SEC24A: variants seen among roughly 807,000 people sequenced by gnomAD.
The protein encoded by SEC24A is protein transport protein Sec24A.
A neutral mutation model predicts 129.4 loss-of-function variants in SEC24A; 93 were observed. That is an observed-to-expected ratio of 0.72 (90% CI 0.61 to 0.85). The LOEUF (loss-of-function observed/expected upper bound fraction) is 0.85, where lower values mean the gene tolerates loss of function less well. Ranked by LOEUF, SEC24A falls within the 40% of genes least tolerant of loss-of-function variation. SEC24A has a pLI of 0.00. For missense variants in SEC24A, 1,264 were observed against 1,307.4 expected, an observed-to-expected ratio of 0.97 and a Z score of 0.51; for synonymous variants, 460 against 467.3, an observed-to-expected ratio of 0.98 and a Z score of 0.20.
chr5:134,727,426 C>A lies in SEC24A; in HGVS notation c.*2332C>A, dbSNP rs991262315. ...ATAACATTTCTGTAAGTCTGACATA[C>A]TAATAGTCACTCAAGCAGTACCATT... On this transcript the variant is annotated 3_prime_UTR_variant, in exon 23 of 23. Transcript: ENST00000398844. 2 of 152,478 alleles carry A rather than the reference C, an allele frequency of 1.3e-5. No individual in the cohort carries two copies. The highest frequency in any genetic ancestry group is 4.8e-5 in the African/African-American group (2 of 41,398). 9.4% of individuals were successfully genotyped at this position (152,478 alleles called of 1,614,324 possible).
chr5:134,724,324 C>T (rs953072717), intron 22 of SEC24A, among the ~76,000 whole-genome samples: 2 of 152,184 alleles, frequency 1.3e-5, no homozygotes, highest in African/African-American at 4.8e-5. Context: ...CGCGGTGGCT[C>T]ATGCCTGTAA....
upstream of SEC24A, chr5:134,648,405 C>T (rs577275975): frequency 3.9e-5 from 6 of 152,422 alleles, no homozygotes; most frequent in African/African-American, 1.4e-4. Flanking sequence ...GGTACGGTCT[C>T]AACAGAGGAC....
At chr5:134,717,381 C>G (rs186265985) in intron 19 of SEC24A, among the ~76,000 whole-genome samples, 14 of 151,818 alleles carry the variant, frequency 9.2e-5, no homozygotes, top group Non-Finnish European at 1.8e-4. Context: ...GTGGCGCATG[C>G]CTGTAATCCC....
intron 15 of SEC24A, among the ~76,000 whole-genome samples, chr5:134,699,786 A>G (rs1428484490): frequency 7.2e-6 from 1 of 139,830 alleles, no homozygotes; most frequent in Non-Finnish European, 1.5e-5. Context: ...TGCAACCTCC[A>G]TCTCCCAGGT....
In SEC24A at chr5:134,676,069, T is replaced by C; in HGVS notation, c.1198T>C (p.Leu400=). 6.2e-7 allele frequency: 1 copy of C among 1,613,570 alleles called. No homozygotes were observed. The highest frequency in any genetic ancestry group is 8.5e-7 in the Non-Finnish European group (1 of 1,179,708). The part of the protein sequence containing the change: ...LTSIPQTQAL[L]NKAKLPLGLL... ...TAGCATTCCTCAGACGCAGGCCTTA[T>C]TGAATAAAGCCAAACTTCCTTTGGG... Residue 400 remains leucine (L), a synonymous_variant, in exon 7 of 23, where the codon TTG becomes CTG. Coordinates refer to ENST00000398844, the MANE Select transcript of SEC24A (RefSeq NM_021982.3).
intron 18 of SEC24A, among the ~76,000 whole-genome samples, chr5:134,712,540 G>A (rs112686976): frequency 7.0e-4 from 106 of 152,108 alleles, no homozygotes; most frequent in African/African-American, 2.3e-3. Flanking sequence ...ATGAGCCACC[G>A]TGCCCGGTCT....
chr5:134,713,656 T>G (rs2150110555), intron 18 of SEC24A, among the ~76,000 whole-genome samples: 1 of 152,254 alleles, frequency 6.6e-6, no homozygotes, highest in East Asian at 1.9e-4. Flanking sequence ...ATAGTCAGTG[T>G]ACTTGTTTTA....
At chr5:134,675,281 A>G in intron 6 of SEC24A, 64 bp downstream of exon 6, 1 of 1,213,466 alleles carries the variant, frequency 8.2e-7, no homozygotes, top group East Asian at 2.3e-5. Flanking sequence ...CAGGGGGCAC[A>G]TCAGGTGTTA....
chr5:134,665,369 C>T (rs1750623495), intron 2 of SEC24A, among the ~76,000 whole-genome samples: 1 of 149,046 alleles, frequency 6.7e-6, no homozygotes, highest in Admixed American at 6.8e-5. Flanking sequence ...GCAGGAGAAT[C>T]GCTTGAACCC....
chr5:134,683,687 A>T (rs1188160984), intron 9 of SEC24A, among the ~76,000 whole-genome samples: 1 of 152,100 alleles, frequency 6.6e-6, no homozygotes, highest in African/African-American at 2.4e-5. Context: ...CTAATTTTTT[A>T]AAAGTTTTTT....
At chr5:134,712,365 C>T (rs1752353662) in intron 18 of SEC24A, among the ~76,000 whole-genome samples, 1 of 151,738 alleles carries the variant, frequency 6.6e-6, no homozygotes. Context: ...ATTCTCCTGT[C>T]TCAGCCTCCA....
rs1467088813 is a variant in SEC24A at position 134,727,447 on chromosome 5, C to CCA, written c.*2354_*2355dup. 3.9e-5 allele frequency: 6 copies of CCA among 152,442 alleles called. No individual in the cohort carries two copies. The highest frequency in any genetic ancestry group is 9.7e-5 in the African/African-American group (4 of 41,450). 9.4% of individuals were successfully genotyped at this position (152,442 alleles called of 1,614,324 possible). A position where few individuals can be genotyped will look rare whatever the true frequency, so the allele number is the denominator to read the frequency against. On this transcript the variant is annotated 3_prime_UTR_variant, in exon 23 of 23. Coordinates refer to ENST00000398844, the MANE Select transcript of SEC24A (RefSeq NM_021982.3). The stretch of plus-strand genomic sequence containing the variant: ...CATACTAATAGTCACTCAAGCAGTA[C>CCA]CATTTATTTTAGTTTGCATATATTT...
intron 17 of SEC24A, 129 bp from the exon 18 acceptor site, chr5:134,708,584 C>T (rs1752231058): frequency 1.7e-5 from 14 of 800,428 alleles, no homozygotes; most frequent in Non-Finnish European, 2.5e-5. Context: ...TGTTTTGTCT[C>T]ATTTGTGTAT....
chr5:134,713,098 A>AT (rs1163285740), intron 18 of SEC24A, among the ~76,000 whole-genome samples: 3 of 150,012 alleles, frequency 2.0e-5, no homozygotes, highest in Non-Finnish European at 4.4e-5. Context: ...TGCCCGGCTA[A>AT]TTTTTTGTAT....
intron 3 of SEC24A, among the ~76,000 whole-genome samples, chr5:134,671,268 G>A (rs1750849177): frequency 6.6e-6 from 1 of 152,056 alleles, no homozygotes; most frequent in African/African-American, 2.4e-5. Flanking sequence ...CCCCATGTTG[G>A]CCAGGCTGAT....
At chr5:134,693,061 C>CT (rs1290209039) in intron 12 of SEC24A, 1 of 1,535,968 alleles carries the variant, frequency 6.5e-7, no homozygotes, top group Non-Finnish European at 8.7e-7. Flanking sequence ...AGAAGAAACT[C>CT]TTATTACCTG....
intron 8 of SEC24A, 84 bp from the exon 9 acceptor site, chr5:134,682,289 T>C: frequency 1.5e-6 from 1 of 687,248 alleles, no homozygotes; most frequent in Non-Finnish European, 2.5e-6. Context: ...GTTTGTCATC[T>C]TTTCAAGGAA....
chr5:134,697,035 GTT>G, intron 13 of SEC24A, 89 bp from the exon 14 acceptor site: 3 of 694,662 alleles, frequency 4.3e-6, no homozygotes, highest in Non-Finnish European at 6.9e-6. Context: ...TGCAATTGTT[GTT>G]AACATCATGA....
intron 20 of SEC24A, among the ~76,000 whole-genome samples, chr5:134,719,087 A>G (rs1417898466): frequency 1.3e-5 from 2 of 152,190 alleles, no homozygotes; most frequent in Non-Finnish European, 2.9e-5. Flanking sequence ...GAGTCAAAAA[A>G]TTAAAATAAT....
Sources: gnomAD v4.1 joint callset for allele counts (sites outside exome capture counted in the v4.1 genomes callset) on GRCh38, gnomAD v4.1.1 for gene constraint, MANE v1.5 for transcripts, NCBI Gene and HGNC (gene_info 2026-07-23, HGNC 2026-07-21) for gene names.